The following JAKMIP1 variants were observed in gnomAD, a reference collection of about 807,000 sequenced individuals.
The protein encoded by JAKMIP1 is janus kinase and microtubule-interacting protein 1.
JAKMIP1 carries 33 observed loss-of-function variants against 113.0 expected under a neutral mutation model. That is an observed-to-expected ratio of 0.29 (90% CI 0.22 to 0.39). The LOEUF (loss-of-function observed/expected upper bound fraction) is 0.39, where lower values mean the gene tolerates loss of function less well. Among genes scored for constraint, JAKMIP1 ranks in the 10% least tolerant of loss-of-function variants. The pLI, the probability that JAKMIP1 is intolerant of heterozygous loss-of-function variation, is 1.00. For synonymous variants in JAKMIP1, 480 were observed against 459.9 expected, an observed-to-expected ratio of 1.04 and a Z score of -0.56; for missense variants, 813 against 1,080.5, an observed-to-expected ratio of 0.75 and a Z score of 3.47.
chr4:6,127,100 A>G (rs1478677390), intron 1 of JAKMIP1, among the ~76,000 whole-genome samples: 2 of 152,106 alleles, frequency 1.3e-5, no homozygotes, highest in African/African-American at 4.8e-5. Flanking sequence ...CAGGCTCCCC[A>G]GCAATCCCCG....
intron 16 of JAKMIP1, 144 bp downstream of exon 16, chr4:6,048,713 C>A (rs75022712): frequency 4.7e-6 from 3 of 638,842 alleles, no homozygotes; most frequent in Non-Finnish European, 8.2e-6. Flanking sequence ...ATGAAGAGAA[C>A]GGAAAGGCAT....
At chr4:6,078,402 CTTTT>C (rs11451395) in intron 8 of JAKMIP1, among the ~76,000 whole-genome samples, 1 of 130,556 alleles carries the variant, frequency 7.7e-6, no homozygotes, top group Non-Finnish European at 1.6e-5. Flanking sequence ...GCAAACTATG[CTTTT>C]TTTTTTTTTT....
intron 1 of JAKMIP1, among the ~76,000 whole-genome samples, chr4:6,120,134 C>A (rs1412437912): frequency 6.6e-6 from 1 of 151,844 alleles, no homozygotes; most frequent in Non-Finnish European, 1.5e-5. Flanking sequence ...AGAGTCAAAT[C>A]CTTTCTGTGG....
chr4:6,173,671 T>G (rs4688970), intron 1 of JAKMIP1, among the ~76,000 whole-genome samples: 42,673 of 152,156 alleles, frequency 0.28, 6,580 homozygotes, highest in Non-Finnish European at 0.34. Context: ...TCTATAAGGA[T>G]AGATGTGTGT....
chr4:6,132,261 G>A (rs1718608174), intron 1 of JAKMIP1, among the ~76,000 whole-genome samples: 1 of 152,130 alleles, frequency 6.6e-6, no homozygotes. Context: ...AATGTATATT[G>A]CAAACTCTAG....
At chr4:6,160,902 A>G (rs1392954964) in intron 1 of JAKMIP1, among the ~76,000 whole-genome samples, 2 of 129,944 alleles carry the variant, frequency 1.5e-5, no homozygotes, top group Admixed American at 1.5e-4. Flanking sequence ...CCTGACCTCC[A>G]CTAACCTCCC....
At position 6,186,784 on chromosome 4, in the gene JAKMIP1, C is replaced by T. The variant is rs1726698881; in HGVS notation, c.-148+13469G>A. ...TGAAAGTGGGTGTTGACATATTCAA[C>T]TATTGTTGTTGAATTATCTATTTCT... On this transcript the variant is annotated intron_variant, in intron 1 of 20. Coordinates refer to ENST00000409021, the MANE Select transcript of JAKMIP1 (RefSeq NM_001099433.2). This position sits in a 1 kb window ranked among gnomAD's most constrained non-coding sequence, Gnocchi z 5.5. Among the ~76,000 whole-genome samples, 1 of 152,124 alleles carries T rather than the reference C, an allele frequency of 6.6e-6. No individual in the cohort carries two copies. Among genetic ancestry groups the T allele is most frequent in the South Asian group, 2.1e-4 (1 of 4,820 alleles).
At position 6,188,965 on chromosome 4, in the gene JAKMIP1, G is replaced by C. The variant is rs147690984; in HGVS notation, c.-148+11288C>G. Among the ~76,000 whole-genome samples, 102 of 152,294 alleles carry C rather than the reference G, an allele frequency of 6.7e-4. No individual in the cohort carries two copies. Among genetic ancestry groups the C allele is most frequent in the African/African-American group, 2.2e-3 (90 of 41,556 alleles). Reference sequence around the variant, plus strand: ...ATATCTGGTTTGCAAAAAGAACCTCGTCAAGCCCTGAGCCTGGAAGGCTCC... The same window carrying C: ...ATATCTGGTTTGCAAAAAGAACCTCCTCAAGCCCTGAGCCTGGAAGGCTCC... On this transcript the variant is annotated intron_variant, in intron 1 of 20. Transcript: ENST00000409021. This position sits in a 1 kb window ranked among gnomAD's most constrained non-coding sequence, Gnocchi z 5.8.
Position 6,093,638 on chromosome 4 carries a change from T to C in JAKMIP1, c.625-8009A>G, listed in dbSNP as rs1306422018. ...TCACCTCATAAAGGTCAGCAGTCTC[T>C]TGAAGTTCAGGGTCCTGAACCAGAC... On this transcript the variant is annotated intron_variant, in intron 3 of 20. Coordinates refer to ENST00000409021, the MANE Select transcript of JAKMIP1 (RefSeq NM_001099433.2). The surrounding 1 kb of genome is among the most constrained non-coding windows in gnomAD (Gnocchi z 4.6). 1.3e-5 allele frequency among the ~76,000 whole-genome samples: 2 copies of C among 152,172 alleles called. No individual in the cohort carries two copies. Among genetic ancestry groups the C allele is most frequent in the Non-Finnish European group, 2.9e-5 (2 of 68,028 alleles).
intron 5 of JAKMIP1, among the ~76,000 whole-genome samples, chr4:6,083,602 A>G (rs1476089596): frequency 3.3e-5 from 5 of 151,244 alleles, no homozygotes; most frequent in Non-Finnish European, 7.4e-5. Flanking sequence ...CAGTCTGATT[A>G]AAGCCAAAAA....
chr4:6,134,629 G>A lies in JAKMIP1; in HGVS notation c.-147-21632C>T, dbSNP rs576112894. 2.0e-4 allele frequency among the ~76,000 whole-genome samples: 31 copies of A among 152,202 alleles called. No individual in the cohort carries two copies. In the South Asian group the frequency reaches 3.5e-3, roughly 17 times the overall value. On this transcript the variant is annotated intron_variant, in intron 1 of 20. Transcript: ENST00000409021. The stretch of plus-strand genomic sequence containing the variant: ...CGCTGTGCTGGTGTTGCCCATCCCC[G>A]CCACCAGACTCGGTGCCCATGACAG...
At chr4:6,036,154 G>A in intron 18 of JAKMIP1, 47 bp from the exon 19 acceptor site, 1 of 1,416,810 alleles carries the variant, frequency 7.1e-7, no homozygotes. Context: ...CAAGGAGGTG[G>A]ACAGGAACCA....
Position 6,183,233 on chromosome 4 carries a change from C to T in JAKMIP1, c.-148+17020G>A, listed in dbSNP as rs1451135028. ...GTGGCTCACGCCTGTAATTCCAGCACTTTGGGAGGCTGAGGCAGGCGCATC... is the reference window on the plus strand; with the variant it reads ...GTGGCTCACGCCTGTAATTCCAGCATTTTGGGAGGCTGAGGCAGGCGCATC... On this transcript the variant is annotated intron_variant, in intron 1 of 20. Transcript: ENST00000409021. This position sits in a 1 kb window ranked among gnomAD's most constrained non-coding sequence, Gnocchi z 5.3. 6.6e-6 allele frequency among the ~76,000 whole-genome samples: 1 copy of T among 152,074 alleles called. No homozygotes were observed. The highest frequency in any genetic ancestry group is 1.5e-5 in the Non-Finnish European group (1 of 68,026).
At chr4:6,027,744 G>T (rs998935015) in intron 20 of JAKMIP1, among the ~76,000 whole-genome samples, 3 of 152,226 alleles carry the variant, frequency 2.0e-5, no homozygotes, top group Non-Finnish European at 4.4e-5. Context: ...CCAGAAAGAC[G>T]ATTCCAACAT....
Position 6,044,325 on chromosome 4 carries a change from A to G in JAKMIP1, c.2029-2098T>C, listed in dbSNP as rs1714718823. ...CTAATAAACTTCTGTCGAATGAAGG[A>G]GAATCAAGGCTGTGCAGGTTGGTGG... On this transcript the variant is annotated intron_variant, in intron 16 of 20. Transcript: ENST00000409021. The surrounding 1 kb of genome is among the most constrained non-coding windows in gnomAD (Gnocchi z 4.4). Among the ~76,000 whole-genome samples the G allele has an allele frequency of 6.6e-6, 1 of 152,158 alleles. No homozygotes were observed.
Position 6,197,877 on chromosome 4 carries a change from C to T in JAKMIP1, c.-148+2376G>A, listed in dbSNP as rs1728011393. Among the ~76,000 whole-genome samples, 1 of 152,246 alleles carries T rather than the reference C, an allele frequency of 6.6e-6. No homozygotes were observed. Among genetic ancestry groups the T allele is most frequent in the African/African-American group, 2.4e-5 (1 of 41,462 alleles). ...CTGGCTTAAGCATTAGAAATTGTTCCCTCTGCCACTTGTCCCACAGCCCAA... is the reference window on the plus strand; with the variant it reads ...CTGGCTTAAGCATTAGAAATTGTTCTCTCTGCCACTTGTCCCACAGCCCAA... On this transcript the variant is annotated intron_variant, in intron 1 of 20. Coordinates refer to ENST00000409021, the MANE Select transcript of JAKMIP1 (RefSeq NM_001099433.2). This position sits in a 1 kb window ranked among gnomAD's most constrained non-coding sequence, Gnocchi z 6.5.
chr4:6,054,353 C>CA (rs555115214), intron 12 of JAKMIP1, among the ~76,000 whole-genome samples: 1 of 152,180 alleles, frequency 6.6e-6, no homozygotes, highest in Non-Finnish European at 1.5e-5. Context: ...ATGAAGGAGA[C>CA]AGAGGCTGGG....
intron 3 of JAKMIP1, among the ~76,000 whole-genome samples, chr4:6,105,264 C>T (rs1243062460): frequency 1.3e-5 from 2 of 152,206 alleles, no homozygotes; most frequent in Non-Finnish European, 2.9e-5. Context: ...CCATTAAGCT[C>T]CTTTGACAAA....
chr4:6,076,619 G>T lies in JAKMIP1; in HGVS notation c.1302+2320C>A, dbSNP rs969535488. Among the ~76,000 whole-genome samples, 4 of 152,126 alleles carry T rather than the reference G, an allele frequency of 2.6e-5. No individual in the cohort carries two copies. Among genetic ancestry groups the T allele is most frequent in the African/African-American group, 9.7e-5 (4 of 41,436 alleles). On this transcript the variant is annotated intron_variant, in intron 8 of 20. Coordinates refer to ENST00000409021, the MANE Select transcript of JAKMIP1 (RefSeq NM_001099433.2). The surrounding 1 kb of genome is among the most constrained non-coding windows in gnomAD (Gnocchi z 4.8). ...GCCTGGGAGCCAAATTGCACCCATA[G>T]ATATATTTTATGTGGCCCACAGGTA...
Sources: allele counts gnomAD v4.1 joint callset (sites outside exome capture counted in the v4.1 genomes callset), GRCh38; gene constraint gnomAD v4.1.1; non-coding constraint Gnocchi (gnomAD v3.1); transcripts MANE v1.5; gene names NCBI Gene and HGNC (gene_info 2026-07-23, HGNC 2026-07-21).